GATB: variants seen among roughly 807,000 people sequenced by gnomAD.
The protein encoded by GATB is glutamyl-tRNA(Gln) amidotransferase subunit B, mitochondrial.
A neutral mutation model predicts 62.3 loss-of-function variants in GATB; 39 were observed. The ratio of observed to expected loss-of-function variants is 0.63; its 90% CI spans 0.48 to 0.82. GATB has a LOEUF of 0.82. GATB is among the 40% of genes least tolerant of loss of function. The pLI, the probability that GATB is intolerant of heterozygous loss-of-function variation, is 0.00. For synonymous variants in GATB, 276 were observed against 258.9 expected, an observed-to-expected ratio of 1.07 and a Z score of -0.63; for missense variants, 670 against 684.0, an observed-to-expected ratio of 0.98 and a Z score of 0.23.
chr4:151,723,069 A>G (rs1473035085), intron 2 of GATB: 1 of 152,232 alleles, frequency 6.6e-6, no homozygotes, highest in Non-Finnish European at 1.5e-5. Flanking sequence ...AAAGGATCTC[A>G]GGGTTAGCCA....
intron 8 of GATB, among the ~76,000 whole-genome samples, chr4:151,702,305 A>G (rs1325712218): frequency 2.6e-5 from 4 of 152,254 alleles, no homozygotes; most frequent in African/African-American, 9.6e-5. Flanking sequence ...CTTGAGAAAT[A>G]GAAGAAATGA....
chr4:151,722,504 A>G (rs1739051049), intron 2 of GATB: 3 of 383,082 alleles, frequency 7.8e-6, no homozygotes, highest in Admixed American at 4.5e-5. Context: ...ATCTACCACC[A>G]TGTCCCCCCA....
intron 12 of GATB, among the ~76,000 whole-genome samples, chr4:151,671,527 CAAG>C: frequency 6.6e-6 from 1 of 152,104 alleles, no homozygotes; most frequent in Non-Finnish European, 1.5e-5. Context: ...TTAAAATGAG[CAAG>C]AAGTGATTGC....
Position 151,716,928 on chromosome 4 carries a change from T to A in GATB, c.588A>T (p.Lys196Asn), listed in dbSNP as rs1478073302. ...GAGACCTCAGGTTGTCGTGGAGGCT[T>A]TTGCCACTGTCTTGCTCCAACTGGA... ...KQIQLEQDSGKSLHDNLRSQT... is the reference protein window; with the variant it reads ...KQIQLEQDSGNSLHDNLRSQT... The change falls in exon 4 of 13, where the codon AAA becomes AAT. Residue 196 changes from lysine (K) to asparagine (N), a missense_variant. Coordinates refer to ENST00000263985, the MANE Select transcript of GATB (RefSeq NM_004564.3). 6.2e-7 allele frequency: 1 copy of A among 1,614,154 alleles called. No individual in the cohort carries two copies. Among genetic ancestry groups the A allele is most frequent in the Non-Finnish European group, 8.5e-7 (1 of 1,180,024 alleles).
At chr4:151,707,310 TAGAGAC>T (rs1738733944) in intron 6 of GATB, among the ~76,000 whole-genome samples, 1 of 152,136 alleles carries the variant, frequency 6.6e-6, no homozygotes, top group Non-Finnish European at 1.5e-5. Flanking sequence ...TTTTTTTTCT[TAGAGAC>T]AGAGTCTTGC....
At chr4:151,728,559 C>T (rs191306558) in intron 2 of GATB, among the ~76,000 whole-genome samples, 23 of 152,230 alleles carry the variant, frequency 1.5e-4, no homozygotes, top group Admixed American at 5.2e-4. Flanking sequence ...AAAGCTAAAA[C>T]ACAAACTCAT....
chr4:151,715,413 G>GTA (rs1177189612), intron 5 of GATB, among the ~76,000 whole-genome samples: 2 of 152,210 alleles, frequency 1.3e-5, no homozygotes, highest in African/African-American at 4.8e-5. Flanking sequence ...CAAAACCTAT[G>GTA]ATCTTTATAT....
In GATB at chr4:151,672,759, C is replaced by T. The variant is rs1214048274; in HGVS notation, c.1545+3G>A. On this transcript the variant is annotated splice_donor_region_variant and intron_variant, in intron 12 of 12. Coordinates refer to ENST00000263985, the MANE Select transcript of GATB (RefSeq NM_004564.3). The stretch of plus-strand genomic sequence containing the variant: ...GGCCCTCTCCCCTGCCCGAGATAGT[C>T]ACCACTTGAGGATGGGCCTCCATCA... 6.2e-7 allele frequency: 1 copy of T among 1,613,598 alleles called. No homozygotes were observed. The highest frequency in any genetic ancestry group is 8.5e-7 in the Non-Finnish European group (1 of 1,179,770).
At chr4:151,755,192 A>G (rs1739802874) in intron 2 of GATB, among the ~76,000 whole-genome samples, 1 of 152,206 alleles carries the variant, frequency 6.6e-6, no homozygotes. Flanking sequence ...CAATGAGTCA[A>G]TTATCTCCAT....
intron 6 of GATB, among the ~76,000 whole-genome samples, chr4:151,705,526 A>G (rs1454223614): frequency 1.3e-5 from 2 of 152,176 alleles, no homozygotes; most frequent in Admixed American, 6.5e-5. Flanking sequence ...AAGCAACCCC[A>G]TGCAGATGAC....
intron 5 of GATB, among the ~76,000 whole-genome samples, chr4:151,715,785 C>G (rs917226620): frequency 6.6e-6 from 1 of 151,884 alleles, no homozygotes; most frequent in African/African-American, 2.4e-5. Flanking sequence ...TGTTGTTGGT[C>G]GTATATTTAT....
intron 3 of GATB, among the ~76,000 whole-genome samples, chr4:151,718,753 C>T (rs1023385486): frequency 6.6e-6 from 1 of 152,160 alleles, no homozygotes; most frequent in Non-Finnish European, 1.5e-5. Flanking sequence ...TTTGGGAAAC[C>T]CATTCAACAT....
chr4:151,717,217 A>G (rs1214895762), intron 3 of GATB, 143 bp from the exon 4 acceptor site: 2 of 750,564 alleles, frequency 2.7e-6, no homozygotes, highest in South Asian at 1.8e-5. Flanking sequence ...GGAGAAAAAA[A>G]TTAGTTGCTG....
At chr4:151,712,480 A>G (rs1251390319) in intron 5 of GATB, among the ~76,000 whole-genome samples, 1 of 152,224 alleles carries the variant, frequency 6.6e-6, no homozygotes, top group Non-Finnish European at 1.5e-5. Context: ...GAGCACAGTG[A>G]TAAAGTGCAG....
intron 5 of GATB, among the ~76,000 whole-genome samples, chr4:151,710,104 A>G (rs979433353): frequency 7.2e-5 from 11 of 152,072 alleles, no homozygotes; most frequent in Non-Finnish European, 1.5e-4. Flanking sequence ...GGGTCCCCTA[A>G]ACTATCAGAA....
At chr4:151,709,416 T>C (rs1023996993) in intron 5 of GATB, among the ~76,000 whole-genome samples, 3 of 152,200 alleles carry the variant, frequency 2.0e-5, no homozygotes, top group Admixed American at 6.5e-5. Flanking sequence ...TTACAAGAAT[T>C]CTGTAACCCC....
chr4:151,716,937 G>C lies in GATB; in HGVS notation c.579C>G (p.Asp193Glu). The change falls in exon 4 of 13, where the codon GAC becomes GAG. Residue 193 changes from aspartate (D) to glutamate (E), a missense_variant. By Grantham distance (45) the Asp-to-Glu change is conservative (BLOSUM62 2). Coordinates refer to ENST00000263985, the MANE Select transcript of GATB (RefSeq NM_004564.3). ...GGTTGTCGTGGAGGCTTTTGCCACT[G>C]TCTTGCTCCAACTGGATCTGCTTGA... ...VRIKQIQLEQDSGKSLHDNLR... is the reference protein window; with the variant it reads ...VRIKQIQLEQESGKSLHDNLR... 6.2e-7 allele frequency: 1 copy of C among 1,614,168 alleles called. No homozygotes were observed. Among genetic ancestry groups the C allele is most frequent in the Non-Finnish European group, 8.5e-7 (1 of 1,180,028 alleles).
At chr4:151,760,335 A>C (rs1180121510) in intron 1 of GATB, among the ~76,000 whole-genome samples, 2 of 152,128 alleles carry the variant, frequency 1.3e-5, no homozygotes, top group African/African-American at 2.4e-5. Context: ...CCAACATAAA[A>C]CGCCTGCACA....
intron 11 of GATB, among the ~76,000 whole-genome samples, chr4:151,678,421 A>G (rs1309077250): frequency 6.7e-6 from 1 of 149,088 alleles, no homozygotes; most frequent in East Asian, 2.0e-4. Flanking sequence ...TTCACGTGCA[A>G]TAATTCAATG....
Sources: allele counts gnomAD v4.1 joint callset (sites outside exome capture counted in the v4.1 genomes callset), GRCh38; gene constraint gnomAD v4.1.1; transcripts MANE v1.5; gene names NCBI Gene and HGNC (gene_info 2026-07-23, HGNC 2026-07-21).